Variants in HMCN2 observed in about 807,000 individuals in gnomAD.
The protein encoded by HMCN2 is hemicentin-2.
A neutral mutation model predicts 377.5 loss-of-function variants in HMCN2; 325 were observed. The ratio of observed to expected loss-of-function variants is 0.86; its 90% CI spans 0.79 to 0.94. The LOEUF (loss-of-function observed/expected upper bound fraction) is 0.94. HMCN2 is among the 40% of genes least tolerant of loss of function. HMCN2 has a pLI of 0.00. For missense variants in HMCN2, 4,543 were observed against 4,725.3 expected (o/e 0.96, Z 1.13); for synonymous variants, 2,007 against 2,046.8 (o/e 0.98, Z 0.53).
At position 130,360,677 on chromosome 9, in the gene HMCN2, C is replaced by T; in HGVS notation, c.5950+73C>T. 1.1e-6 allele frequency: 1 copy of T among 941,370 alleles called. No homozygotes were observed. The highest frequency in any genetic ancestry group is 1.4e-6 in the Non-Finnish European group (1 of 694,336). 58.3% of individuals were successfully genotyped at this position (941,370 alleles called of 1,614,324 possible). On this transcript the variant is annotated intron_variant, in intron 38 of 97. Transcript: ENST00000683500. This position sits in a 1 kb window ranked among gnomAD's most constrained non-coding sequence, Gnocchi z 4.7. ...TTCATTCATTTGTCTATTAGTCTGT[C>T]CATCCACCTGTCCACTCATCCATCC...
chr9:130,378,708 G>A (rs1453519288), intron 53 of HMCN2, among the ~76,000 whole-genome samples: 1 of 152,154 alleles, frequency 6.6e-6, no homozygotes, highest in Non-Finnish European at 1.5e-5. Flanking sequence ...AGGAACACCT[G>A]CTCTGGGCTG....
intron 48 of HMCN2, 86 bp from the exon 49 acceptor site, chr9:130,374,416 C>G: frequency 1.5e-6 from 1 of 666,504 alleles, no homozygotes; most frequent in Non-Finnish European, 1.9e-6. Flanking sequence ...ATTCACATCC[C>G]CTGATCCATC....
At chr9:130,326,349 C>G (rs1838132647) in intron 21 of HMCN2, among the ~76,000 whole-genome samples, 1 of 152,098 alleles carries the variant, frequency 6.6e-6, no homozygotes, top group Admixed American at 6.5e-5. Flanking sequence ...TATCCCCTTC[C>G]TGGCACCCGT....
chr9:130,313,116 C>A (rs1837355469), intron 15 of HMCN2, among the ~76,000 whole-genome samples: 1 of 145,888 alleles, frequency 6.9e-6, no homozygotes, highest in South Asian at 2.1e-4. Context: ...AAGGGATGGA[C>A]AATGGCCCAG....
chr9:130,384,269 G>A, intron 57 of HMCN2, 104 bp from the exon 58 acceptor site: 1 of 969,488 alleles, frequency 1.0e-6, no homozygotes, highest in South Asian at 1.6e-5. Flanking sequence ...GTGCCGAGGT[G>A]AAGCCCCAGG....
intron 27 of HMCN2, 82 bp from the exon 28 acceptor site, chr9:130,348,902 G>C (rs1016801033): frequency 8.0e-7 from 1 of 1,245,012 alleles, no homozygotes; most frequent in African/African-American, 1.5e-5. Context: ...GCCACCTCTC[G>C]GGCCTCAGTT....
In HMCN2 at chr9:130,376,588, G is replaced by T. The variant is rs1841392603; in HGVS notation, c.7991G>T (p.Ser2664Ile). The stretch of plus-strand genomic sequence containing the variant: ...AAGGAGGTGAAGACCAAGGTCAACA[G>T]CACCTTGACCTTGGAGTGTGAGAGC... Reference protein sequence around the residue: ...GVKEVKTKVNSTLTLECESWA... With the variant: ...GVKEVKTKVNITLTLECESWA... The change falls in exon 52 of 98, where the codon AGC becomes ATC. Residue 2664 changes from serine to isoleucine, a missense_variant. By Grantham distance (142) the Ser-to-Ile change is moderately radical. Coordinates refer to ENST00000683500, the MANE Select transcript of HMCN2 (RefSeq NM_001291815.2). 3.0e-6 allele frequency: 3 copies of T among 985,484 alleles called. No homozygotes were observed. The highest frequency in any genetic ancestry group is 3.6e-6 in the Non-Finnish European group (3 of 829,712). The allele number at this position is 985,484 out of a possible 1,614,324, so 61.0% of individuals were successfully genotyped here.
rs966017057 is a variant in HMCN2 at position 130,430,351 on chromosome 9, C to G, written c.14394C>G (p.Tyr4798Ter). ...AYQCHNLQGS[Y>*]RCLCPPGQTL... Reference sequence around the variant, plus strand: ...AGTGCCACAACCTCCAGGGCAGCTACCGCTGCCTGTGCCCCCCAGGCCAGA... The same window carrying G: ...AGTGCCACAACCTCCAGGGCAGCTAGCGCTGCCTGTGCCCCCCAGGCCAGA... The change falls in exon 95 of 98, where the codon TAC becomes TAG. Residue 4798 changes from tyrosine to a stop codon, truncating the protein, a stop_gained. Transcript: ENST00000683500. LOFTEE classifies it high-confidence loss of function. 6.5e-7 allele frequency: 1 copy of G among 1,548,756 alleles called. No individual in the cohort carries two copies.
rs113041177 is a variant in HMCN2 at position 130,433,379 on chromosome 9, G to A, written c.14926G>A (p.Gly4976Ser). ...TCFRRCSQDC[G>S]TGGPSTLQYR... is the part of the protein sequence containing the mutation. ...CTTCCGGCGCTGCTCGCAGGACTGC[G>A]GCACGGGCGGCCCCTCTACGCTGCA... is the stretch of plus-strand genomic sequence containing the variant. The change falls in exon 98 of 98, where the codon GGC (glycine) becomes AGC (serine). Residue 4976 changes from glycine (G) to serine (S), a missense_variant. Transcript: ENST00000683500. The A allele has an allele frequency of 1.5e-3, 2,239 of 1,478,218 alleles. 26 individuals carry two copies. In the African/African-American group the frequency reaches 0.028, roughly 18 times the overall value. The allele number at this position is 1,478,218 out of a possible 1,614,324, so 91.6% of individuals were successfully genotyped here.
At position 130,393,622 on chromosome 9, in the gene HMCN2, C is replaced by T; in HGVS notation, c.10235-120C>T. ...GATGCTGTGGGAGCACAGAGGAGGG[C>T]ACCTCACCTGGCCTTGGGGGACCAG... On this transcript the variant is annotated intron_variant, in intron 67 of 97. Transcript: ENST00000683500. The surrounding 1 kb of genome is among the most constrained non-coding windows in gnomAD (Gnocchi z 5.2). The T allele has an allele frequency of 3.4e-6, 3 of 887,602 alleles. No homozygotes were observed. The highest frequency in any genetic ancestry group is 4.4e-6 in the Non-Finnish European group (3 of 676,700). The allele number at this position is 887,602 out of a possible 1,614,324, so 55.0% of individuals were successfully genotyped here.
chr9:130,395,141 G>A lies in HMCN2; in HGVS notation c.10774+33G>A, dbSNP rs760901279. 4.4e-5 allele frequency: 55 copies of A among 1,251,228 alleles called. 2 individuals are homozygous for A. The highest frequency in any genetic ancestry group is 6.2e-4 in the Middle Eastern group (2 of 3,224). The allele number at this position is 1,251,228 out of a possible 1,614,324, so 77.5% of individuals were successfully genotyped here. A position where few individuals can be genotyped will look rare whatever the true frequency, so the allele number is the denominator to read the frequency against. On this transcript the variant is annotated intron_variant, in intron 70 of 97. Transcript: ENST00000683500. ...GTGGGGGTGGGGTGGGGGCAGGGCC[G>A]GGAGGCAGGACGGGCTCGCGGCAGG...
chr9:130,368,676 A>G (rs1299164837), intron 44 of HMCN2, among the ~76,000 whole-genome samples: 1 of 152,106 alleles, frequency 6.6e-6, no homozygotes, highest in Non-Finnish European at 1.5e-5. Context: ...GGGAGGCCTC[A>G]GGAAACTCAC....
chr9:130,356,644 T>C (rs1308053521), intron 34 of HMCN2, among the ~76,000 whole-genome samples: 1 of 152,240 alleles, frequency 6.6e-6, no homozygotes, highest in African/African-American at 2.4e-5. Context: ...TATCCTGAAA[T>C]ACTTTTCCTC....
At position 130,371,067 on chromosome 9, in the gene HMCN2, A is replaced by G. The variant is rs1247476244; in HGVS notation, c.7173A>G (p.Pro2391=). The G allele has an allele frequency of 7.4e-5, 73 of 985,796 alleles. No individual in the cohort carries two copies. Among genetic ancestry groups the G allele is most frequent in the Non-Finnish European group, 8.8e-5 (73 of 829,992 alleles). The allele number at this position is 985,796 out of a possible 1,614,324, so 61.1% of individuals were successfully genotyped here. A position where few individuals can be genotyped will look rare whatever the true frequency, so the allele number is the denominator to read the frequency against. Residue 2391 remains proline (P), a synonymous_variant, in exon 46 of 98, where the codon CCA becomes CCG. Coordinates refer to ENST00000683500, the MANE Select transcript of HMCN2 (RefSeq NM_001291815.2). ...GTGAAGCCATGGGGATCCCACCTCC[A>G]GCCATCCGCTGGTTCCGAGGGGAGG... is the stretch of plus-strand genomic sequence containing the variant. ...LLCEAMGIPP[P]AIRWFRGEEP...
chr9:130,428,024 G>A lies in HMCN2; in HGVS notation c.14066-334G>A, dbSNP rs559459633. Among the ~76,000 whole-genome samples the A allele has an allele frequency of 6.6e-5, 10 of 152,284 alleles. No individual in the cohort carries two copies. The highest frequency in any genetic ancestry group is 1.3e-4 in the Non-Finnish European group (9 of 68,014). Reference sequence around the variant, plus strand: ...TCTGACCTCAGGTGATGGTGCTGACGCTGACCCCCAGTCTGCATCCCTGCA... The same window carrying A: ...TCTGACCTCAGGTGATGGTGCTGACACTGACCCCCAGTCTGCATCCCTGCA... On this transcript the variant is annotated intron_variant, in intron 92 of 97. Transcript: ENST00000683500. This position sits in a 1 kb window ranked among gnomAD's most constrained non-coding sequence, Gnocchi z 5.0.
In HMCN2 at chr9:130,396,084, A is replaced by AC; in HGVS notation, c.11053+23dup. ...ATCCACAGTGAGTAGGGCCCGCCCCACCCCACCCTGCCCACCTTACCCCAC... is the reference window on the plus strand; with the variant it reads ...ATCCACAGTGAGTAGGGCCCGCCCCACCCCCACCCTGCCCACCTTACCCCAC... On this transcript the variant is annotated intron_variant, in intron 72 of 97. Transcript: ENST00000683500. 4.6e-6 allele frequency: 1 copy of AC among 216,630 alleles called. No homozygotes were observed. Among genetic ancestry groups the AC allele is most frequent in the South Asian group, 4.9e-5 (1 of 20,568 alleles). 13.4% of individuals were successfully genotyped at this position (216,630 alleles called of 1,614,324 possible).
chr9:130,344,587 A>G (rs962451650), intron 25 of HMCN2, among the ~76,000 whole-genome samples: 87 of 135,266 alleles, frequency 6.4e-4, no homozygotes, highest in Middle Eastern at 5.5e-3. Context: ...TAGTGTTTGT[A>G]TGTTGTGTGT....
intron 15 of HMCN2, among the ~76,000 whole-genome samples, chr9:130,314,568 A>C (rs2131378398): frequency 6.6e-6 from 1 of 152,264 alleles, no homozygotes; most frequent in African/African-American, 2.4e-5. Context: ...TCTGTGGGAA[A>C]AGTGGTCCCC....
Position 130,393,373 on chromosome 9 carries a change from G to C in HMCN2, c.10234+64G>C. 1 of 957,328 alleles carries C rather than the reference G, an allele frequency of 1.0e-6. No individual in the cohort carries two copies. The highest frequency in any genetic ancestry group is 1.2e-6 in the Non-Finnish European group (1 of 800,340). 59.3% of individuals were successfully genotyped at this position (957,328 alleles called of 1,614,324 possible). A position where few individuals can be genotyped will look rare whatever the true frequency, so the allele number is the denominator to read the frequency against. ...TGGTGGGTGAGAATCAAGGCCCTTG[G>C]CCCCCCTGCCCTTCTGGGTGGAACC... On this transcript the variant is annotated intron_variant, in intron 67 of 97. Coordinates refer to ENST00000683500, the MANE Select transcript of HMCN2 (RefSeq NM_001291815.2). This position sits in a 1 kb window ranked among gnomAD's most constrained non-coding sequence, Gnocchi z 5.2.
Sources: allele counts gnomAD v4.1 joint callset (sites outside exome capture counted in the v4.1 genomes callset), GRCh38; gene constraint gnomAD v4.1.1; non-coding constraint Gnocchi (gnomAD v3.1); transcripts MANE v1.5; gene names NCBI Gene and HGNC (gene_info 2026-07-23, HGNC 2026-07-21).